Variants in ZHX2 observed in about 807,000 individuals in gnomAD.
ZHX2 encodes the protein zinc fingers and homeoboxes 2.
Under a neutral mutation model 21.9 loss-of-function variants are expected in ZHX2, and 6 were observed. The observed-to-expected ratio is 0.27, with a 90% CI of 0.15 to 0.54. The LOEUF (loss-of-function observed/expected upper bound fraction) is 0.54. Among genes scored for constraint, ZHX2 ranks in the 20% least tolerant of loss-of-function variants. ZHX2 has a pLI of 0.95. For synonymous variants in ZHX2, 434 were observed against 437.1 expected (o/e 0.99, Z 0.09); for missense variants, 908 against 1,090.7 (o/e 0.83, Z 2.36).
chr8:122,850,726 C>T (rs1273851471), intron 1 of ZHX2, among the ~76,000 whole-genome samples: 1 of 151,758 alleles, frequency 6.6e-6, no homozygotes, highest in Non-Finnish European at 1.5e-5. Flanking sequence ...TCATCTCTTG[C>T]CCCCCAACAC....
At chr8:122,802,414 C>A (rs962284722) in intron 1 of ZHX2, among the ~76,000 whole-genome samples, 7 of 152,162 alleles carry the variant, frequency 4.6e-5, no homozygotes, top group Non-Finnish European at 8.8e-5. Flanking sequence ...TCTGCCCATC[C>A]CCAGGTAGCA....
In ZHX2 at chr8:122,858,932, C is replaced by T. The variant is rs1025116298; in HGVS notation, c.-282-4545C>T. On this transcript the variant is annotated intron_variant, in intron 1 of 3. Transcript: ENST00000314393. ...CTGGGATTACAGGCATGAGCCACCA[C>T]GCCCAGCCCAATTCAGGTTAACTCC... is the stretch of plus-strand genomic sequence containing the variant. Among the ~76,000 whole-genome samples, 3 of 152,316 alleles carry T rather than the reference C, an allele frequency of 2.0e-5. No homozygotes were observed. In the East Asian group the frequency reaches 5.8e-4, roughly 29 times the overall value.
chr8:122,805,466 G>T (rs539845675), intron 1 of ZHX2, among the ~76,000 whole-genome samples: 72 of 152,164 alleles, frequency 4.7e-4, no homozygotes, highest in Non-Finnish European at 7.6e-4. Context: ...TAGAAGTAAG[G>T]CCAATGTGCA....
chr8:122,891,269 ATTGTGTGTGTGTGTGTGTGTGT>A lies in ZHX2; in HGVS notation c.-220+27731_-220+27752del, dbSNP rs1320660602. ...TTTCTTCCTGGTTCAATCTTGGTAGATTGTGTGTGTGTGTGTGTGTGTGTGTGTGTGTGTGTGTGTGTGTGTG... is the reference window on the plus strand; with the variant it reads ...TTTCTTCCTGGTTCAATCTTGGTAGAGTGTGTGTGTGTGTGTGTGTGTGTG... On this transcript the variant is annotated intron_variant, in intron 2 of 3. Transcript: ENST00000314393. Among the ~76,000 whole-genome samples, 612 of 138,838 alleles carry A rather than the reference ATTGTGTGTGTGTGTGTGTGTGT, an allele frequency of 4.4e-3. 7 individuals are homozygous for A. The highest frequency in any genetic ancestry group is 3.5e-3 in the Non-Finnish European group (225 of 63,736). The allele number at this position is 138,838 out of a possible 152,430, so 91.1% of individuals were successfully genotyped here.
chr8:122,831,602 T>TTCTGGCCTTGCACGG (rs1563746114), intron 1 of ZHX2, among the ~76,000 whole-genome samples: 1 of 152,136 alleles, frequency 6.6e-6, no homozygotes, highest in Non-Finnish European at 1.5e-5. Flanking sequence ...TTGCACGGGT[T>TTCTGGCCTTGCACGG]GTAGGGCCAC....
At chr8:122,880,609 T>C (rs958840759) in intron 2 of ZHX2, among the ~76,000 whole-genome samples, 10 of 151,970 alleles carry the variant, frequency 6.6e-5, no homozygotes, top group Admixed American at 2.0e-4. Flanking sequence ...ATCCCATTTC[T>C]ACTAAAAATA....
chr8:122,953,793 A>G lies in ZHX2; in HGVS notation c.2283A>G (p.Pro761=), dbSNP rs1398553829. The change falls in exon 3 of 4, where the codon CCA becomes CCG. Residue 761 remains proline (P), a synonymous_variant. Coordinates refer to ENST00000314393, the MANE Select transcript of ZHX2 (RefSeq NM_014943.5). The surrounding 1 kb of genome is among the most constrained non-coding windows in gnomAD (Gnocchi z 4.6). ...GCGAGCCAGCAAAAGACTGTTTGCC[A>G]GCAAAGCCCTCAGAGGCCACCTCAG... ...VGSEPAKDCL[P]AKPSEATSDR... 6.2e-7 allele frequency: 1 copy of G among 1,614,270 alleles called. No homozygotes were observed. Among genetic ancestry groups the G allele is most frequent in the East Asian group, 2.2e-5 (1 of 44,886 alleles).
At chr8:122,837,730 A>G (rs1211250006) in intron 1 of ZHX2, among the ~76,000 whole-genome samples, 1 of 152,224 alleles carries the variant, frequency 6.6e-6, no homozygotes, top group Non-Finnish European at 1.5e-5. Flanking sequence ...AAACAGCTCA[A>G]TTTCCATCCC....
chr8:122,823,118 T>G (rs1187852696), intron 1 of ZHX2, among the ~76,000 whole-genome samples: 1 of 152,216 alleles, frequency 6.6e-6, no homozygotes, highest in Non-Finnish European at 1.5e-5. Flanking sequence ...GGGTCCCAGA[T>G]CCTGTGTCTG....
At chr8:122,829,280 A>G (rs764653822) in intron 1 of ZHX2, among the ~76,000 whole-genome samples, 12 of 152,364 alleles carry the variant, frequency 7.9e-5, no homozygotes, top group African/African-American at 2.6e-4. Flanking sequence ...TACCAAGGCT[A>G]TCTTATGGTA....
intron 2 of ZHX2, among the ~76,000 whole-genome samples, chr8:122,941,202 T>C (rs138180402): frequency 3.3e-5 from 5 of 152,256 alleles, no homozygotes; most frequent in African/African-American, 1.2e-4. Context: ...GCTATGATCA[T>C]GCCACTCCAC....
At chr8:122,904,065 TG>T (rs1196254041) in intron 2 of ZHX2, among the ~76,000 whole-genome samples, 1 of 152,174 alleles carries the variant, frequency 6.6e-6, no homozygotes, top group African/African-American at 2.4e-5. Context: ...TCTGGGTTTT[TG>T]TTTCTTTTCT....
intron 2 of ZHX2, among the ~76,000 whole-genome samples, chr8:122,916,982 C>G (rs1030270585): frequency 1.3e-5 from 2 of 152,156 alleles, no homozygotes; most frequent in African/African-American, 4.8e-5. Flanking sequence ...ACAACTGTGC[C>G]TGGCTCAACT....
intron 1 of ZHX2, among the ~76,000 whole-genome samples, chr8:122,804,480 C>A (rs1817786349): frequency 6.6e-6 from 1 of 152,136 alleles, no homozygotes; most frequent in South Asian, 2.1e-4. Context: ...GTGCTGAATG[C>A]TGGGGAGGCA....
intron 1 of ZHX2, among the ~76,000 whole-genome samples, chr8:122,793,751 C>A (rs1049166822): frequency 6.6e-6 from 1 of 152,202 alleles, no homozygotes; most frequent in Non-Finnish European, 1.5e-5. Flanking sequence ...TACGTAGATT[C>A]CGCACATGGC....
At chr8:122,957,632 T>G (rs2130320802) in intron 3 of ZHX2, among the ~76,000 whole-genome samples, 1 of 152,258 alleles carries the variant, frequency 6.6e-6, no homozygotes, top group Non-Finnish European at 1.5e-5. Flanking sequence ...CATACCCAGC[T>G]AATTTTTCTA....
At chr8:122,949,374 A>T (rs1176726985) in intron 2 of ZHX2, among the ~76,000 whole-genome samples, 1 of 152,246 alleles carries the variant, frequency 6.6e-6, no homozygotes, top group Non-Finnish European at 1.5e-5. Flanking sequence ...CAACAAACTT[A>T]GTAAAGCATT....
At chr8:122,855,519 G>A (rs893699783) in intron 1 of ZHX2, among the ~76,000 whole-genome samples, 14 of 151,978 alleles carry the variant, frequency 9.2e-5, no homozygotes, top group East Asian at 1.9e-4. Context: ...TCTTAACTGC[G>A]CGCCAGTTTG....
intron 2 of ZHX2, among the ~76,000 whole-genome samples, chr8:122,874,079 C>A (rs1443568024): frequency 6.6e-6 from 1 of 152,174 alleles, no homozygotes; most frequent in Non-Finnish European, 1.5e-5. Flanking sequence ...TTAGACTAGT[C>A]AAGTGCAGTT....
Sources: allele counts gnomAD v4.1 joint callset (sites outside exome capture counted in the v4.1 genomes callset), GRCh38; gene constraint gnomAD v4.1.1; non-coding constraint Gnocchi (gnomAD v3.1); transcripts MANE v1.5; gene names NCBI Gene and HGNC (gene_info 2026-07-23, HGNC 2026-07-21).